SUPT3H: variants seen among roughly 807,000 people sequenced by gnomAD.
The protein encoded by SUPT3H is transcription initiation protein SPT3 homolog.
SUPT3H carries 44 observed loss-of-function variants against 44.3 expected under a neutral mutation model. The ratio of observed to expected loss-of-function variants is 0.99; its 90% CI spans 0.78 to 1.28. The LOEUF is 1.28. Among genes scored for constraint, SUPT3H ranks in the 50% most tolerant of loss-of-function variants. The pLI is 0.00. For synonymous variants in SUPT3H, 124 were observed against 125.6 expected, an observed-to-expected ratio of 0.99 and a Z score of 0.09; for missense variants, 380 against 387.1, an observed-to-expected ratio of 0.98 and a Z score of 0.15.
intron 9 of SUPT3H, among the ~76,000 whole-genome samples, chr6:44,941,407 C>A (rs1379804671): frequency 2.4e-5 from 2 of 84,370 alleles, no homozygotes; most frequent in Non-Finnish European, 4.7e-5. Flanking sequence ...TTACTGTATA[C>A]AAAATTTTTG....
chr6:45,303,601 C>A (rs1013690791), intron 2 of SUPT3H, among the ~76,000 whole-genome samples: 4 of 150,666 alleles, frequency 2.7e-5, no homozygotes, highest in South Asian at 2.1e-4. Context: ...CCATTTTTGG[C>A]CTATAAAGCC....
chr6:44,834,587 G>C (rs1309235271), intron 10 of SUPT3H, among the ~76,000 whole-genome samples: 2 of 152,126 alleles, frequency 1.3e-5, no homozygotes, highest in African/African-American at 4.8e-5. Flanking sequence ...CTTTGGAATT[G>C]GAAAGTATCT....
intron 2 of SUPT3H, among the ~76,000 whole-genome samples, chr6:45,205,054 C>A (rs1215908412): frequency 1.3e-5 from 2 of 152,104 alleles, no homozygotes; most frequent in Non-Finnish European, 2.9e-5. Flanking sequence ...AATAATATCT[C>A]GTAGATTCCA....
chr6:45,136,407 C>T (rs1222231303), intron 2 of SUPT3H, among the ~76,000 whole-genome samples: 2 of 151,916 alleles, frequency 1.3e-5, no homozygotes, highest in Non-Finnish European at 2.9e-5. Context: ...TATCTTAGTC[C>T]AGTGTTCAAA....
chr6:45,320,413 G>A (rs543047344), intron 2 of SUPT3H, among the ~76,000 whole-genome samples: 6 of 151,204 alleles, frequency 4.0e-5, no homozygotes, highest in Non-Finnish European at 7.4e-5. Context: ...ACAAGCGTAC[G>A]TCACCATGCC....
At chr6:44,971,644 C>T (rs1371321487) in intron 6 of SUPT3H, among the ~76,000 whole-genome samples, 1 of 152,162 alleles carries the variant, frequency 6.6e-6, no homozygotes, top group Non-Finnish European at 1.5e-5. Flanking sequence ...ATGGGAACTA[C>T]AATTCAAGAT....
At chr6:45,226,540 C>A (rs941302623) in intron 2 of SUPT3H, among the ~76,000 whole-genome samples, 4 of 151,476 alleles carry the variant, frequency 2.6e-5, no homozygotes, top group Admixed American at 6.6e-5. Context: ...CCCATCTCTA[C>A]AAAAAAAAAT....
At position 45,036,419 on chromosome 6, in the gene SUPT3H, T is replaced by C. The variant is rs1280802232; in HGVS notation, c.187-15787A>G. ...GTGGCTGGGGATGAGATCAGAAAAG[T>C]AGCCAAGGTGGGGTGGGGGACATGT... On this transcript the variant is annotated intron_variant, in intron 3 of 10. Coordinates refer to ENST00000371459, the MANE Select transcript of SUPT3H (RefSeq NM_003599.4). Among the ~76,000 whole-genome samples, 5 of 152,000 alleles carry C rather than the reference T, an allele frequency of 3.3e-5. No individual in the cohort carries two copies. The East Asian group carries it at 9.7e-4, about 29-fold the overall frequency.
chr6:44,981,192 G>C (rs1390118329), intron 6 of SUPT3H, among the ~76,000 whole-genome samples: 1 of 152,126 alleles, frequency 6.6e-6, no homozygotes, highest in Non-Finnish European at 1.5e-5. Flanking sequence ...GATATGAGGG[G>C]TAAAGTGATT....
At chr6:45,154,684 C>A (rs746885303) in intron 2 of SUPT3H, among the ~76,000 whole-genome samples, 1 of 152,140 alleles carries the variant, frequency 6.6e-6, no homozygotes, top group Non-Finnish European at 1.5e-5. Context: ...CATTCATATC[C>A]CCTAAAAATC....
chr6:44,878,675 T>G (rs1012622788), intron 10 of SUPT3H, among the ~76,000 whole-genome samples: 1 of 152,148 alleles, frequency 6.6e-6, no homozygotes, highest in African/African-American at 2.4e-5. Context: ...CAGCTCCCAG[T>G]GAGATTAATG....
At chr6:45,067,343 C>G (rs1251827858) in intron 3 of SUPT3H, among the ~76,000 whole-genome samples, 1 of 128,198 alleles carries the variant, frequency 7.8e-6, no homozygotes, top group African/African-American at 2.7e-5. Context: ...AACGTTAGAC[C>G]TAAAACCATA....
At chr6:45,239,731 C>T (rs548252965) in intron 2 of SUPT3H, among the ~76,000 whole-genome samples, 2 of 152,286 alleles carry the variant, frequency 1.3e-5, no homozygotes, top group Middle Eastern at 3.4e-3. Context: ...CCAGGCTATA[C>T]TAGCAAAGCT....
At chr6:44,813,789 A>AATATT (rs1408124278) in intron 11 of SUPT3H, among the ~76,000 whole-genome samples, 1 of 152,068 alleles carries the variant, frequency 6.6e-6, no homozygotes, top group Non-Finnish European at 1.5e-5. Flanking sequence ...GTCAGTAGAA[A>AATATT]ATATTCATAT....
intron 6 of SUPT3H, among the ~76,000 whole-genome samples, chr6:44,993,722 T>C (rs1036151307): frequency 7.9e-4 from 120 of 152,144 alleles, no homozygotes; most frequent in African/African-American, 2.6e-3. Context: ...TTACCACAGG[T>C]ATCTTGTTGG....
At chr6:45,251,461 T>A (rs1171475830) in intron 2 of SUPT3H, among the ~76,000 whole-genome samples, 3 of 149,202 alleles carry the variant, frequency 2.0e-5, no homozygotes, top group African/African-American at 2.5e-5. Context: ...AAAGCCAAAG[T>A]AAGACTGAAA....
chr6:45,274,250 C>T (rs7756721), intron 2 of SUPT3H, among the ~76,000 whole-genome samples: 147,858 of 152,336 alleles, frequency 0.97, 71,781 homozygotes, highest in East Asian at 1. Context: ...GTGCTTTTAT[C>T]GTCTTGAAAG....
intron 2 of SUPT3H, among the ~76,000 whole-genome samples, chr6:45,304,614 G>C (rs929508794): frequency 6.6e-6 from 1 of 152,124 alleles, no homozygotes; most frequent in Non-Finnish European, 1.5e-5. Context: ...TAAAAAGAAA[G>C]GTCAAAGAGG....
At chr6:45,135,580 T>C (rs1444250773) in intron 2 of SUPT3H, among the ~76,000 whole-genome samples, 1 of 152,192 alleles carries the variant, frequency 6.6e-6, no homozygotes, top group African/African-American at 2.4e-5. Flanking sequence ...TGGACACAAC[T>C]TAGCTAAGTC....
Sources: allele counts gnomAD v4.1 joint callset (sites outside exome capture counted in the v4.1 genomes callset), GRCh38; gene constraint gnomAD v4.1.1; transcripts MANE v1.5; gene names NCBI Gene and HGNC (gene_info 2026-07-23, HGNC 2026-07-21).